The following GMDS variants were observed in gnomAD, a reference collection of about 807,000 sequenced individuals.
The protein encoded by GMDS is GDP-mannose 4,6 dehydratase.
A neutral mutation model predicts 49.9 loss-of-function variants in GMDS; 20 were observed. That is an observed-to-expected ratio of 0.40 (90% CI 0.28 to 0.58). GMDS has a LOEUF of 0.58. Among genes scored for constraint, GMDS ranks in the 20% least tolerant of loss-of-function variants. The pLI, the probability that GMDS is intolerant of heterozygous loss-of-function variation, is 0.42. For synonymous variants in GMDS, 177 were observed against 178.6 expected, an observed-to-expected ratio of 0.99 and a Z score of 0.07; for missense variants, 362 against 481.4, an observed-to-expected ratio of 0.75 and a Z score of 2.32.
chr6:2,027,363 G>A (rs1426720178), intron 4 of GMDS, among the ~76,000 whole-genome samples: 1 of 152,192 alleles, frequency 6.6e-6, no homozygotes, highest in Non-Finnish European at 1.5e-5. Context: ...GCAACCCAGG[G>A]CTTAATTAAT....
chr6:2,237,666 C>A (rs115072722), intron 1 of GMDS, among the ~76,000 whole-genome samples: 1 of 151,738 alleles, frequency 6.6e-6, no homozygotes, highest in Admixed American at 6.6e-5. Context: ...AGATTCCAGG[C>A]GCCCACCACC....
chr6:1,810,987 GT>G lies in GMDS; in HGVS notation c.772-68402del, dbSNP rs113696746. Among the ~76,000 whole-genome samples the G allele has an allele frequency of 9.6e-4, 143 of 149,580 alleles. 1 individual carries two copies. Among genetic ancestry groups the G allele is most frequent in the East Asian group, 4.7e-3 (24 of 5,094 alleles). On this transcript the variant is annotated intron_variant, in intron 7 of 10. Transcript: ENST00000380815. Reference sequence around the variant, plus strand: ...AGGCATGAGCTTGTCTTTTCTCCTAGTTTTTTTTTTCCCTCTCCCAGTATTG... The same window carrying G: ...AGGCATGAGCTTGTCTTTTCTCCTAGTTTTTTTTTCCCTCTCCCAGTATTG...
intron 9 of GMDS, among the ~76,000 whole-genome samples, chr6:1,716,785 C>A (rs1766190873): frequency 6.6e-6 from 1 of 152,218 alleles, no homozygotes. Context: ...TTCTTACACC[C>A]CGTCCCCCAA....
At chr6:1,728,259 A>C (rs1399817935) in intron 8 of GMDS, among the ~76,000 whole-genome samples, 2 of 152,310 alleles carry the variant, frequency 1.3e-5, no homozygotes, top group South Asian at 2.1e-4. Flanking sequence ...TCTAATTCTA[A>C]AGTTAATTGT....
At chr6:2,150,568 T>C (rs1207015315) in intron 1 of GMDS, among the ~76,000 whole-genome samples, 1 of 152,160 alleles carries the variant, frequency 6.6e-6, no homozygotes, top group East Asian at 1.9e-4. Flanking sequence ...CTAACTTCTT[T>C]TGGCTTCAGT....
At chr6:2,165,243 T>C (rs76910888) in intron 1 of GMDS, among the ~76,000 whole-genome samples, 6,209 of 152,160 alleles carry the variant, frequency 0.041, 257 homozygotes, top group South Asian at 0.13. Context: ...TGGAGAGACA[T>C]AGAAACAGTA....
At chr6:2,135,310 C>T (rs1775938089) in intron 1 of GMDS, among the ~76,000 whole-genome samples, 2 of 152,084 alleles carry the variant, frequency 1.3e-5, no homozygotes, top group East Asian at 3.8e-4. Context: ...TTTAAGTATA[C>T]TAAACAACGT....
chr6:1,996,886 A>G (rs569266568), intron 4 of GMDS, among the ~76,000 whole-genome samples: 1 of 152,316 alleles, frequency 6.6e-6, no homozygotes, highest in East Asian at 1.9e-4. Flanking sequence ...CAGACAACCA[A>G]CAGTGTTTTC....
intron 7 of GMDS, among the ~76,000 whole-genome samples, chr6:1,789,167 C>T (rs1407715656): frequency 6.6e-6 from 1 of 152,240 alleles, no homozygotes; most frequent in Non-Finnish European, 1.5e-5. Flanking sequence ...AAAGGCAAAG[C>T]TTCCATGTGC....
At chr6:2,129,300 G>A (rs752999203) in intron 1 of GMDS, among the ~76,000 whole-genome samples, 1 of 152,018 alleles carries the variant, frequency 6.6e-6, no homozygotes, top group Non-Finnish European at 1.5e-5. Context: ...CTATGTACGA[G>A]GGCAAGCCAT....
chr6:1,818,941 T>C (rs1161900129), intron 7 of GMDS, among the ~76,000 whole-genome samples: 1 of 152,074 alleles, frequency 6.6e-6, no homozygotes, highest in Admixed American at 6.6e-5. Context: ...AAAAAATTTA[T>C]CATTAGTAAA....
rs535844969 is a variant in GMDS, at chr6:1,930,308, C to T, written c.644-78G>A. On this transcript the variant is annotated intron_variant, in intron 6 of 10. Coordinates refer to ENST00000380815, the MANE Select transcript of GMDS (RefSeq NM_001500.4). ...CAGTTTGGTGAACCAAACCCGATTT[C>T]GGCCTCTGGGCATTTCTTTCATTCT... 7.2e-5 allele frequency: 88 copies of T among 1,223,890 alleles called. 1 individual carries two copies. The highest frequency in any genetic ancestry group is 5.4e-4 in the South Asian group (38 of 69,900). 75.8% of individuals were successfully genotyped at this position (1,223,890 alleles called of 1,614,324 possible).
At chr6:1,733,940 G>T (rs1333811861) in intron 8 of GMDS, among the ~76,000 whole-genome samples, 1 of 152,184 alleles carries the variant, frequency 6.6e-6, no homozygotes, top group African/African-American at 2.4e-5. Context: ...GAGGCCATAG[G>T]CCAGGAGGAG....
At chr6:1,772,776 G>A (rs982931487) in intron 7 of GMDS, among the ~76,000 whole-genome samples, 4 of 152,200 alleles carry the variant, frequency 2.6e-5, no homozygotes, top group African/African-American at 7.2e-5. Context: ...ACTCAGGGTC[G>A]CTTCGCTTCC....
At chr6:1,737,596 C>G (rs1253475071) in intron 8 of GMDS, among the ~76,000 whole-genome samples, 2 of 148,234 alleles carry the variant, frequency 1.3e-5, no homozygotes, top group Non-Finnish European at 3.0e-5. Context: ...CACACATACA[C>G]ACACCACACA....
In GMDS at chr6:2,096,768, A is replaced by G. The variant is rs111500453; in HGVS notation, c.345+19003T>C. Among the ~76,000 whole-genome samples, 736 of 152,346 alleles carry G rather than the reference A, an allele frequency of 4.8e-3. 6 individuals carry two copies. Among genetic ancestry groups the G allele is most frequent in the African/African-American group, 0.015 (632 of 41,576 alleles). ...TGCCAAAAAGGGAGGTTCTCCATTC[A>G]AACAGATGGATAAAAGCTCCAAGTA... is the stretch of plus-strand genomic sequence containing the variant. On this transcript the variant is annotated intron_variant, in intron 4 of 10. Transcript: ENST00000380815.
intron 4 of GMDS, among the ~76,000 whole-genome samples, chr6:2,059,890 A>G (rs1771042998): frequency 6.6e-6 from 1 of 151,934 alleles, no homozygotes; most frequent in South Asian, 2.1e-4. Flanking sequence ...CTTCTAAATG[A>G]AAGTAGGACT....
At chr6:1,749,364 G>A (rs1472750433) in intron 7 of GMDS, among the ~76,000 whole-genome samples, 1 of 151,918 alleles carries the variant, frequency 6.6e-6, no homozygotes, top group Non-Finnish European at 1.5e-5. Flanking sequence ...GAGGCAGGCG[G>A]ATATCTTGAG....
intron 1 of GMDS, among the ~76,000 whole-genome samples, chr6:2,235,627 A>G (rs1417092614): frequency 2.6e-5 from 4 of 151,246 alleles, no homozygotes; most frequent in Non-Finnish European, 5.9e-5. Context: ...GCAGCACGGC[A>G]AGACCCCATC....
Sources: allele counts gnomAD v4.1 joint callset (sites outside exome capture counted in the v4.1 genomes callset), GRCh38; gene constraint gnomAD v4.1.1; transcripts MANE v1.5; gene names NCBI Gene and HGNC (gene_info 2026-07-23, HGNC 2026-07-21).